Variants in LGR5 observed in about 807,000 individuals in gnomAD.
LGR5 encodes leucine-rich repeat-containing G protein-coupled receptor 5.
LGR5 carries 54 observed loss-of-function variants against 76.7 expected under a neutral mutation model. The observed-to-expected ratio is 0.70, with a 90% CI of 0.57 to 0.88. LGR5 has a LOEUF of 0.88. Among genes scored for constraint, LGR5 ranks in the 40% least tolerant of loss-of-function variants. LGR5 has a pLI of 0.00. For missense variants in LGR5, 1,078 were observed against 1,073.3 expected (o/e 1.00, Z -0.06); for synonymous variants, 406 against 421.9 (o/e 0.96, Z 0.46).
intron 1 of LGR5, among the ~76,000 whole-genome samples, chr12:71,461,017 T>C (rs550556484): frequency 3.7e-4 from 57 of 152,280 alleles, no homozygotes; most frequent in African/African-American, 1.3e-3. Flanking sequence ...TTCCCAGGAA[T>C]TGTTCCTTAT....
At chr12:71,475,732 G>C (rs1252720836) in intron 1 of LGR5, among the ~76,000 whole-genome samples, 2 of 152,278 alleles carry the variant, frequency 1.3e-5, no homozygotes, top group East Asian at 3.9e-4. Flanking sequence ...GAAAGGTTGT[G>C]ATTAACAGTT....
At chr12:71,558,843 A>G (rs1407862740) in intron 6 of LGR5, among the ~76,000 whole-genome samples, 2 of 152,230 alleles carry the variant, frequency 1.3e-5, no homozygotes, top group African/African-American at 2.4e-5. Context: ...AGCACTTGTG[A>G]GTAATGAAAT....
chr12:71,487,962 A>G (rs1331214167), intron 1 of LGR5, among the ~76,000 whole-genome samples: 1 of 151,354 alleles, frequency 6.6e-6, no homozygotes, highest in Non-Finnish European at 1.5e-5. Context: ...CTAGTCTATT[A>G]TAAATAGGAA....
At chr12:71,504,425 G>T (rs563729900) in intron 1 of LGR5, among the ~76,000 whole-genome samples, 189 bp from the exon 2 acceptor site, 9 of 152,206 alleles carry the variant, frequency 5.9e-5, no homozygotes, top group African/African-American at 2.2e-4. Flanking sequence ...ATTTGATAGA[G>T]AGCCCATGAT....
At chr12:71,528,089 A>C (rs1018822936) in intron 3 of LGR5, among the ~76,000 whole-genome samples, 1 of 152,242 alleles carries the variant, frequency 6.6e-6, no homozygotes, top group Non-Finnish European at 1.5e-5. Context: ...CAAGATAATT[A>C]AATAAGTAAC....
At position 71,502,116 on chromosome 12, in the gene LGR5, C is replaced by T. The variant is rs193183156; in HGVS notation, c.213-2498C>T. On this transcript the variant is annotated intron_variant, in intron 1 of 17. Coordinates refer to ENST00000266674, the MANE Select transcript of LGR5 (RefSeq NM_003667.4). ...TGGTTTTCTAGTACTAGGTCATTAT[C>T]TAAGAGGAATTACAATATGATATGT... is the stretch of plus-strand genomic sequence containing the variant. Among the ~76,000 whole-genome samples the T allele has an allele frequency of 4.1e-3, 619 of 150,472 alleles. 2 individuals are homozygous for T. The highest frequency in any genetic ancestry group is 5.5e-3 in the Non-Finnish European group (374 of 67,856).
chr12:71,483,087 GA>G (rs968808048), intron 1 of LGR5, among the ~76,000 whole-genome samples: 4 of 149,408 alleles, frequency 2.7e-5, no homozygotes, highest in East Asian at 2.0e-4. Context: ...ACTGTTATAA[GA>G]AAAAAAAAGG....
In LGR5 at chr12:71,584,122, C is replaced by G; in HGVS notation, c.2112C>G (p.Ser704Arg). The G allele has an allele frequency of 6.2e-7, 1 of 1,614,204 alleles. No individual in the cohort carries two copies. Among genetic ancestry groups the G allele is most frequent in the Non-Finnish European group, 8.5e-7 (1 of 1,180,046 alleles). Residue 704 changes from serine to arginine, a missense_variant, in exon 18 of 18, where the codon AGC becomes AGG. Ser to Arg is a moderately radical substitution (Grantham distance 110). Coordinates refer to ENST00000266674, the MANE Select transcript of LGR5 (RefSeq NM_003667.4). Reference protein sequence around the residue: ...TMAAVPLLGGSKYGASPLCLP... With the variant: ...TMAAVPLLGGRKYGASPLCLP... ...CCGCAGTTCCCCTGCTGGGTGGCAG[C>G]AAGTATGGCGCCTCCCCTCTCTGCC...
rs1366639140 is a variant in LGR5 at position 71,584,238 on chromosome 12, C to A, written c.2228C>A (p.Ala743Asp). 6.2e-7 allele frequency: 1 copy of A among 1,613,974 alleles called. No homozygotes were observed. Among genetic ancestry groups the A allele is most frequent in the Non-Finnish European group, 8.5e-7 (1 of 1,180,006 alleles). The change falls in exon 18 of 18, where the codon GCC becomes GAC. Residue 743 changes from alanine (A) to aspartate (D), a missense_variant. Ala to Asp is a moderately radical substitution (Grantham distance 126). Coordinates refer to ENST00000266674, the MANE Select transcript of LGR5 (RefSeq NM_003667.4). The stretch of plus-strand genomic sequence containing the variant: ...CTTTGCTTCCTCATGATGACCATTG[C>A]CTACACCAAGCTCTACTGCAATTTG... The part of the protein sequence containing the change: ...NSLCFLMMTI[A>D]YTKLYCNLDK...
chr12:71,584,178 T>C lies in LGR5; in HGVS notation c.2168T>C (p.Met723Thr), dbSNP rs765575343. ...TTGCCTTTTGGGGAGCCCAGCACCA[T>C]GGGCTACATGGTCGCTCTCATCTTG... Reference protein sequence around the residue: ...LPLPFGEPSTMGYMVALILLN... With the variant: ...LPLPFGEPSTTGYMVALILLN... Residue 723 changes from methionine to threonine, a missense_variant, in exon 18 of 18, where the codon ATG becomes ACG. Physicochemically the swap from Met to Thr is moderately conservative, Grantham distance 81. Transcript: ENST00000266674. 1.4e-5 allele frequency: 22 copies of C among 1,614,072 alleles called. No individual in the cohort carries two copies. Among genetic ancestry groups the C allele is most frequent in the Non-Finnish European group, 1.9e-5 (22 of 1,180,042 alleles).
intron 3 of LGR5, among the ~76,000 whole-genome samples, chr12:71,531,176 T>C (rs1005879776): frequency 3.3e-5 from 5 of 152,220 alleles, no homozygotes; most frequent in Admixed American, 6.5e-5. Context: ...ATGTGAATGA[T>C]AAAAATGAAG....
intron 1 of LGR5, among the ~76,000 whole-genome samples, chr12:71,458,674 G>A (rs570201206): frequency 6.6e-6 from 1 of 152,228 alleles, no homozygotes; most frequent in East Asian, 1.9e-4. Flanking sequence ...CTTTCATAGT[G>A]TCAGCTTCGT....
chr12:71,575,019 A>AGC (rs1878786961), intron 13 of LGR5, among the ~76,000 whole-genome samples: 1 of 152,194 alleles, frequency 6.6e-6, no homozygotes, highest in Non-Finnish European at 1.5e-5. Context: ...TAAGAATTTA[A>AGC]ACATGTTCTG....
At chr12:71,482,991 A>G (rs1873675090) in intron 1 of LGR5, among the ~76,000 whole-genome samples, 1 of 152,154 alleles carries the variant, frequency 6.6e-6, no homozygotes, top group Admixed American at 6.5e-5. Flanking sequence ...TTGGGTTCTG[A>G]CATTACTGCA....
intron 1 of LGR5, among the ~76,000 whole-genome samples, chr12:71,459,607 C>T (rs1330266157): frequency 6.6e-6 from 1 of 152,054 alleles, no homozygotes; most frequent in African/African-American, 2.4e-5. Context: ...CAGTTCTAGA[C>T]CAGGCCCAAG....
intron 3 of LGR5, among the ~76,000 whole-genome samples, chr12:71,528,379 A>G (rs1483166246): frequency 6.6e-6 from 1 of 152,128 alleles, no homozygotes; most frequent in Non-Finnish European, 1.5e-5. Flanking sequence ...GGAGGATTTC[A>G]TGAGCCTAGG....
chr12:71,522,102 A>G (rs1229148420), intron 2 of LGR5, among the ~76,000 whole-genome samples: 1 of 152,144 alleles, frequency 6.6e-6, no homozygotes, highest in Admixed American at 6.6e-5. Flanking sequence ...GGGCATGTCT[A>G]AAAAAAGCAA....
chr12:71,494,127 T>C (rs1299137248), intron 1 of LGR5, among the ~76,000 whole-genome samples: 3 of 150,608 alleles, frequency 2.0e-5, no homozygotes, highest in Non-Finnish European at 2.9e-5. Flanking sequence ...ATACTTTTTT[T>C]AGTAGAGACA....
chr12:71,538,775 T>C (rs1876730435), intron 4 of LGR5, among the ~76,000 whole-genome samples: 1 of 151,952 alleles, frequency 6.6e-6, no homozygotes. Flanking sequence ...GGAGGATCAT[T>C]TGAGCCCAGG....
Sources: gnomAD v4.1 joint callset for allele counts (sites outside exome capture counted in the v4.1 genomes callset) on GRCh38, gnomAD v4.1.1 for gene constraint, MANE v1.5 for transcripts, NCBI Gene and HGNC (gene_info 2026-07-23, HGNC 2026-07-21) for gene names.